The following ABLIM3 variants were observed in gnomAD, a reference collection of about 807,000 sequenced individuals.
ABLIM3 encodes actin-binding LIM protein 3.
A neutral mutation model predicts 109.5 loss-of-function variants in ABLIM3; 61 were observed. That is an observed-to-expected ratio of 0.56 (90% CI 0.45 to 0.69). The LOEUF is 0.69. Ranked by LOEUF, ABLIM3 falls within the 30% of genes least tolerant of loss-of-function variation. The pLI, the probability that ABLIM3 is intolerant of heterozygous loss-of-function variation, is 0.00. For missense variants in ABLIM3, 796 were observed against 889.5 expected (o/e 0.89, Z 1.34); for synonymous variants, 300 against 324.8 (o/e 0.92, Z 0.82).
At position 149,191,661 on chromosome 5, in the gene ABLIM3, C is replaced by T. The variant is rs1257607250; in HGVS notation, c.152-6558C>T. On this transcript the variant is annotated intron_variant, in intron 3 of 23. Transcript: ENST00000309868. ...AAATCTTAGACAAAATATTAGCAAA[C>T]CAAGTTTAGAAAAGTGTGAAAAATA... Among the ~76,000 whole-genome samples, 3 of 140,506 alleles carry T rather than the reference C, an allele frequency of 2.1e-5. No homozygotes were observed. The East Asian group carries it at 5.9e-4, about 28-fold the overall frequency. The allele number at this position is 140,506 out of a possible 152,430, so 92.2% of individuals were successfully genotyped here.
chr5:149,197,852 G>C (rs906609750), intron 3 of ABLIM3, among the ~76,000 whole-genome samples: 1 of 152,214 alleles, frequency 6.6e-6, no homozygotes, highest in Non-Finnish European at 1.5e-5. Flanking sequence ...GTGTGCATCA[G>C]AATCAGCCTA....
rs772137973 is a variant in ABLIM3 at position 149,200,429 on chromosome 5, G to A, written c.448+1G>A. 1.9e-6 allele frequency: 3 copies of A among 1,613,878 alleles called. No homozygotes were observed. Among genetic ancestry groups the A allele is most frequent in the South Asian group, 1.1e-5 (1 of 91,072 alleles). On this transcript the variant is annotated splice_donor_variant, in intron 5 of 23. Coordinates refer to ENST00000309868, the MANE Select transcript of ABLIM3 (RefSeq NM_014945.5). LOFTEE classifies it high-confidence loss of function. ...CCCATCAAGATTCGTGGACCAAGCC[G>A]TGAGTCCTCCCCACGGGTATCTCCC...
intron 8 of ABLIM3, chr5:149,218,156 C>T (rs1225989674): frequency 6.6e-6 from 1 of 152,296 alleles, no homozygotes; most frequent in Non-Finnish European, 1.5e-5. Context: ...GAGATACAGA[C>T]AGGGCAGCTT....
At chr5:149,174,394 G>A (rs867630242) in intron 2 of ABLIM3, 10 of 152,178 alleles carry the variant, frequency 6.6e-5, no homozygotes, top group East Asian at 5.8e-4. Context: ...GGATTTCCCC[G>A]CAATACATCA....
At chr5:149,242,957 G>T (rs927324686) in intron 15 of ABLIM3, among the ~76,000 whole-genome samples, 1 of 152,154 alleles carries the variant, frequency 6.6e-6, no homozygotes, top group Non-Finnish European at 1.5e-5. Context: ...TATGTGTCAC[G>T]GTTTCTCCAA....
intron 3 of ABLIM3, among the ~76,000 whole-genome samples, chr5:149,187,893 G>A (rs1438691399): frequency 2.0e-5 from 3 of 152,172 alleles, no homozygotes; most frequent in Non-Finnish European, 1.5e-5. Context: ...ATAGGGAAAC[G>A]ACACAGCAGC....
At chr5:149,190,852 A>G (rs894069430) in intron 3 of ABLIM3, among the ~76,000 whole-genome samples, 7 of 152,224 alleles carry the variant, frequency 4.6e-5, no homozygotes, top group African/African-American at 1.7e-4. Context: ...GAAAGATGGC[A>G]TGGTTAGCAA....
intron 20 of ABLIM3, 99 bp downstream of exon 20, chr5:149,250,604 T>A: frequency 7.3e-7 from 1 of 1,377,474 alleles, no homozygotes; most frequent in Non-Finnish European, 1.0e-6. Flanking sequence ...GCAAAGGTCC[T>A]GGGGCTAGTG....
Position 149,250,050 on chromosome 5 carries a change from G to A in ABLIM3, c.1729+206G>A, listed in dbSNP as rs555133002. On this transcript the variant is annotated intron_variant, in intron 19 of 23. Transcript: ENST00000309868. ...CTAGGATTGCCATCCCCAATAGATG[G>A]TCCCAGAGGAAAAAAAGTGCACACA... Among the ~76,000 whole-genome samples, 13 of 152,300 alleles carry A rather than the reference G, an allele frequency of 8.5e-5. No homozygotes were observed. In the South Asian group the frequency reaches 2.7e-3, roughly 32 times the overall value.
At position 149,252,803 on chromosome 5, in the gene ABLIM3, G is replaced by T; in HGVS notation, c.1904G>T (p.Arg635Leu). 1.2e-6 allele frequency: 2 copies of T among 1,613,316 alleles called. No homozygotes were observed. Among genetic ancestry groups the T allele is most frequent in the South Asian group, 2.2e-5 (2 of 90,994 alleles). ...CTGGTGACTACAAGAGGAAGAAACC[G>T]ACTGCCCAAGGATGTAGACAGGACC... Reference protein sequence around the residue: ...LLLVTTRGRNRLPKDVDRTRL... With the variant: ...LLLVTTRGRNLLPKDVDRTRL... The change falls in exon 23 of 24, where the codon CGA becomes CTA. Residue 635 changes from arginine to leucine, a missense_variant. Physicochemically the swap from Arg to Leu is moderately radical, Grantham distance 102. Transcript: ENST00000309868.
intron 23 of ABLIM3, among the ~76,000 whole-genome samples, 196 bp downstream of exon 23, chr5:149,253,033 TCC>T (rs1754088116): frequency 6.6e-6 from 1 of 152,082 alleles, no homozygotes; most frequent in African/African-American, 2.4e-5. Context: ...CCCATGCTGT[TCC>T]CCCAAAACTG....
chr5:149,202,900 C>G (rs527716301), intron 5 of ABLIM3, among the ~76,000 whole-genome samples: 21 of 151,974 alleles, frequency 1.4e-4, no homozygotes, highest in Admixed American at 3.9e-4. Context: ...CATTGATTGA[C>G]TGTTACTATT....
intron 2 of ABLIM3, among the ~76,000 whole-genome samples, chr5:149,164,919 G>A (rs1754689097): frequency 9.9e-5 from 15 of 152,198 alleles, no homozygotes; most frequent in Admixed American, 9.2e-4. Flanking sequence ...TCTGCTAGCT[G>A]TCCCTTTCTT....
chr5:149,240,408 C>A, intron 13 of ABLIM3: 1 of 521,966 alleles, frequency 1.9e-6, no homozygotes. Flanking sequence ...ACTAACATGC[C>A]TTCCTGGAGC....
At chr5:149,252,248 T>C in intron 22 of ABLIM3, 40 bp downstream of exon 22, 2 of 1,608,254 alleles carry the variant, frequency 1.2e-6, no homozygotes, top group Non-Finnish European at 1.7e-6. Flanking sequence ...TCCAGGATTC[T>C]TGGAGCCGCT....
intron 8 of ABLIM3, among the ~76,000 whole-genome samples, chr5:149,222,176 T>C (rs1760714841): frequency 6.6e-6 from 1 of 151,312 alleles, no homozygotes; most frequent in African/African-American, 2.4e-5. Flanking sequence ...TTATTATTTG[T>C]TGGTATACTT....
At chr5:149,154,423 G>A (rs1753701589) in intron 2 of ABLIM3, among the ~76,000 whole-genome samples, 1 of 152,206 alleles carries the variant, frequency 6.6e-6, no homozygotes, top group African/African-American at 2.4e-5. Context: ...CATGTAGGGA[G>A]AAGGAACTTG....
chr5:149,219,870 A>C (rs955855935), intron 8 of ABLIM3: 1 of 152,180 alleles, frequency 6.6e-6, no homozygotes, highest in East Asian at 1.9e-4. Flanking sequence ...CCCTACCTGG[A>C]TATCACTAGA....
At position 149,147,437 on chromosome 5, in the gene ABLIM3, C is replaced by T. The variant is rs182242200; in HGVS notation, c.13+5329C>T. Reference sequence around the variant, plus strand: ...CCTACTTGATATGGTGAATTAACTTCTTGGTGTTCTGCTGGATTTGATTTG... The same window carrying T: ...CCTACTTGATATGGTGAATTAACTTTTTGGTGTTCTGCTGGATTTGATTTG... On this transcript the variant is annotated intron_variant, in intron 2 of 23. Coordinates refer to ENST00000309868, the MANE Select transcript of ABLIM3 (RefSeq NM_014945.5). Among the ~76,000 whole-genome samples, 650 of 152,164 alleles carry T rather than the reference C, an allele frequency of 4.3e-3. 2 individuals carry two copies. Among genetic ancestry groups the T allele is most frequent in the African/African-American group, 0.015 (608 of 41,508 alleles).
Sources: gnomAD v4.1 joint callset for allele counts (sites outside exome capture counted in the v4.1 genomes callset) on GRCh38, gnomAD v4.1.1 for gene constraint, MANE v1.5 for transcripts, NCBI Gene and HGNC (gene_info 2026-07-23, HGNC 2026-07-21) for gene names.